AFF3: variants seen among roughly 807,000 people sequenced by gnomAD.
AFF3 encodes AF4/FMR2 family member 3.
A neutral mutation model predicts 129.7 loss-of-function variants in AFF3; 32 were observed. That is an observed-to-expected ratio of 0.25 (90% CI 0.19 to 0.33). The LOEUF (loss-of-function observed/expected upper bound fraction) is 0.33. AFF3 is among the 10% of genes least tolerant of loss of function. The pLI is 1.00. For synonymous variants in AFF3, 644 were observed against 635.4 expected, an observed-to-expected ratio of 1.01 and a Z score of -0.20; for missense variants, 1,373 against 1,592.0, an observed-to-expected ratio of 0.86 and a Z score of 2.34.
chr2:99,961,147 T>C (rs1677177451), intron 7 of AFF3, among the ~76,000 whole-genome samples: 1 of 152,178 alleles, frequency 6.6e-6, no homozygotes, highest in Admixed American at 6.5e-5. Context: ...CCCATCGCTC[T>C]TCTCCCACTA....
intron 4 of AFF3, among the ~76,000 whole-genome samples, chr2:100,073,169 A>C (rs1688332404): frequency 6.6e-6 from 1 of 152,206 alleles, no homozygotes. Context: ...CCAATGCTTC[A>C]GAATGTGACT....
intron 13 of AFF3, among the ~76,000 whole-genome samples, chr2:99,619,428 GACACT>G (rs1681773634): frequency 6.6e-6 from 1 of 152,188 alleles, no homozygotes; most frequent in African/African-American, 2.4e-5. Context: ...CCTGGGTGAG[GACACT>G]CAGGGCAAAT....
intron 11 of AFF3, among the ~76,000 whole-genome samples, chr2:99,716,630 C>T (rs1249820935): frequency 1.3e-5 from 2 of 151,740 alleles, no homozygotes; most frequent in African/African-American, 2.4e-5. Context: ...TGTCTGTAAT[C>T]CCAGCACTTT....
At chr2:100,019,972 T>C (rs116447358) in intron 4 of AFF3, among the ~76,000 whole-genome samples, 1,815 of 152,266 alleles carry the variant, frequency 0.012, 40 homozygotes, top group African/African-American at 0.041. Context: ...ATAAACCTGG[T>C]CAAGGCCTCT....
At chr2:99,642,739 C>A (rs1334813539) in intron 13 of AFF3, among the ~76,000 whole-genome samples, 1 of 152,228 alleles carries the variant, frequency 6.6e-6, no homozygotes, top group Non-Finnish European at 1.5e-5. Flanking sequence ...GCAAGAGAAT[C>A]ATACTGACCA....
chr2:99,623,425 C>A (rs1197867580), intron 13 of AFF3, among the ~76,000 whole-genome samples: 1 of 152,172 alleles, frequency 6.6e-6, no homozygotes, highest in Non-Finnish European at 1.5e-5. Context: ...AATACTCATG[C>A]GGTGAGTGTA....
intron 4 of AFF3, among the ~76,000 whole-genome samples, chr2:100,027,921 ATTACT>A (rs1044481044): frequency 2.0e-5 from 3 of 152,172 alleles, no homozygotes; most frequent in African/African-American, 4.8e-5. Context: ...ATAGTATCTC[ATTACT>A]TTACTATGAA....
chr2:100,016,108 G>C (rs112386479), intron 4 of AFF3, among the ~76,000 whole-genome samples: 2,292 of 151,558 alleles, frequency 0.015, 29 homozygotes, highest in Non-Finnish European at 0.025. Flanking sequence ...AGTGATGGTG[G>C]TGGTGGTAGC....
rs139179228 is a variant in AFF3 at position 99,944,412 on chromosome 2, T to C, written c.873+62220A>G. Among the ~76,000 whole-genome samples, 219 of 152,344 alleles carry C rather than the reference T, an allele frequency of 1.4e-3. 3 individuals are homozygous for C. Among genetic ancestry groups the C allele is most frequent in the African/African-American group, 5.1e-3 (211 of 41,584 alleles). ...TTGTCACACTGTGGGTGTTTTTCAC[T>C]GTAAAATTAGAGCTATTTAAATACA... On this transcript the variant is annotated intron_variant, in intron 7 of 24. Coordinates refer to ENST00000672756, the MANE Select transcript of AFF3 (RefSeq NM_001386135.1).
In AFF3 at chr2:99,727,091, G is replaced by T. The variant is rs147561223; in HGVS notation, c.1077C>A (p.Gly359=). The change falls in exon 11 of 25, where the codon GGC becomes GGA. Residue 359 remains glycine, a synonymous_variant. Transcript: ENST00000672756. The part of the protein sequence containing the change: ...GDAEPESPDN[G]TSNTSMLEDD... Reference sequence around the variant, plus strand: ...AAGAAACTTACGATGTATTCGATGTGCCATTGTCTGGACTCTCTGGCTCTG... The same window carrying T: ...AAGAAACTTACGATGTATTCGATGTTCCATTGTCTGGACTCTCTGGCTCTG... 2 of 1,607,562 alleles carry T rather than the reference G, an allele frequency of 1.2e-6. No homozygotes were observed. Among genetic ancestry groups the T allele is most frequent in the Non-Finnish European group, 1.7e-6 (2 of 1,178,418 alleles).
intron 7 of AFF3, among the ~76,000 whole-genome samples, chr2:99,840,629 T>G (rs573438060): frequency 4.1e-4 from 62 of 152,314 alleles, no homozygotes; most frequent in African/African-American, 1.5e-3. Context: ...AAAGCTTCAG[T>G]TGGCCACATA....
At chr2:99,648,879 ACGCG>A (rs752967402) in intron 13 of AFF3, among the ~76,000 whole-genome samples, 6,656 of 108,274 alleles carry the variant, frequency 0.061, 410 homozygotes, top group African/African-American at 0.086. Flanking sequence ...TCCTCAAAAC[ACGCG>A]CGCACACACA....
At chr2:99,640,058 C>G (rs563643379) in intron 13 of AFF3, among the ~76,000 whole-genome samples, 12 of 152,166 alleles carry the variant, frequency 7.9e-5, no homozygotes, top group Non-Finnish European at 7.4e-5. Flanking sequence ...CGGAGGCATG[C>G]AGGAGCCTCA....
At position 99,554,482 on chromosome 2, in the gene AFF3, C is replaced by T. The variant is rs143764541; in HGVS notation, c.3388G>A (p.Val1130Met). The T allele has an allele frequency of 3.0e-5, 49 of 1,613,806 alleles. No individual in the cohort carries two copies. In the East Asian group the frequency reaches 3.8e-4, roughly 12 times the overall value. ...TTGGAGAGGCTGCCCTGAGACCCCA[C>T]GGAGCTGGCGGGAGAGGGGTTGGGA... ...MSPNPSPASS[V>M]GSQGSLSNAS... Residue 1130 changes from valine to methionine, a missense_variant, in exon 24 of 25, where the codon GTG becomes ATG. This residue lies in a region of AFF3 where 165 missense variants were observed against 234.0 expected (regional missense o/e 0.71). Transcript: ENST00000672756.
At chr2:99,742,928 A>C (rs558549498) in intron 10 of AFF3, among the ~76,000 whole-genome samples, 1 of 152,264 alleles carries the variant, frequency 6.6e-6, no homozygotes, top group East Asian at 1.9e-4. Flanking sequence ...TTCCCCCTTT[A>C]CCCTGAACAT....
At chr2:99,840,612 T>C (rs1484988930) in intron 7 of AFF3, among the ~76,000 whole-genome samples, 2 of 152,198 alleles carry the variant, frequency 1.3e-5, no homozygotes, top group African/African-American at 4.8e-5. Context: ...TTCCTTCTGT[T>C]TTCCCAAAAG....
At chr2:99,872,348 C>A (rs898361389) in intron 7 of AFF3, among the ~76,000 whole-genome samples, 1 of 151,562 alleles carries the variant, frequency 6.6e-6, no homozygotes, top group African/African-American at 2.4e-5. Flanking sequence ...TGTCTAAATA[C>A]CACATTTTGG....
intron 7 of AFF3, among the ~76,000 whole-genome samples, chr2:99,859,019 A>G (rs1289494589): frequency 6.6e-6 from 1 of 152,274 alleles, no homozygotes; most frequent in Non-Finnish European, 1.5e-5. Flanking sequence ...TTCTCCATGA[A>G]TATGGCTTGG....
chr2:99,772,271 C>T (rs1382599668), intron 8 of AFF3, among the ~76,000 whole-genome samples: 1 of 152,158 alleles, frequency 6.6e-6, no homozygotes, highest in African/African-American at 2.4e-5. Flanking sequence ...TCTGACCAGG[C>T]CGTGTGCTTG....
Sources: allele counts gnomAD v4.1 joint callset (sites outside exome capture counted in the v4.1 genomes callset), GRCh38; gene constraint gnomAD v4.1.1; regional missense constraint gnomAD v4.1.1; transcripts MANE v1.5; gene names NCBI Gene and HGNC (gene_info 2026-07-23, HGNC 2026-07-21).